Variants in PSMD7 observed in about 807,000 individuals in gnomAD.
PSMD7 encodes proteasome 26S subunit, non-ATPase 7.
A neutral mutation model predicts 36.4 loss-of-function variants in PSMD7; 13 were observed. The observed-to-expected ratio is 0.36, with a 90% CI of 0.23 to 0.57. The LOEUF (loss-of-function observed/expected upper bound fraction) is 0.57, where lower values mean the gene tolerates loss of function less well. Among genes scored for constraint, PSMD7 ranks in the 20% least tolerant of loss-of-function variants. The pLI is 0.83. For missense variants in PSMD7, 298 were observed against 393.6 expected, an observed-to-expected ratio of 0.76 and a Z score of 2.06; for synonymous variants, 186 against 151.0, an observed-to-expected ratio of 1.23 and a Z score of -1.70.
Position 74,296,902 on chromosome 16 carries a change from G to C in PSMD7, c.-13G>C. 6.2e-7 allele frequency: 1 copy of C among 1,612,902 alleles called. No individual in the cohort carries two copies. Among genetic ancestry groups the C allele is most frequent in the East Asian group, 2.2e-5 (1 of 44,818 alleles). On this transcript the variant is annotated 5_prime_UTR_variant, in exon 1 of 7. Transcript: ENST00000219313. Reference sequence around the variant, plus strand: ...TGGCAGGGAGCCAGGCCTGGCGAGCGGGGTGTGTCGCGATGCCGGAGCTGG... The same window carrying C: ...TGGCAGGGAGCCAGGCCTGGCGAGCCGGGTGTGTCGCGATGCCGGAGCTGG...
chr16:74,297,015 G>A (rs1186847146), intron 1 of PSMD7, 27 bp downstream of exon 1: 1 of 1,602,384 alleles, frequency 6.2e-7, no homozygotes, highest in African/African-American at 1.3e-5. Flanking sequence ...TAGCTGGGCC[G>A]GCGGCGCAGC....
Position 74,305,775 on chromosome 16 carries a change from T to C in PSMD7, c.*42T>C. On this transcript the variant is annotated 3_prime_UTR_variant, in exon 7 of 7. Coordinates refer to ENST00000219313, the MANE Select transcript of PSMD7 (RefSeq NM_002811.5). ...CTTTTTTAATTTGTAAATTAAAATC[T>C]TACAAACTAAATCAGTGTGCTGCTA... The C allele has an allele frequency of 7.1e-7, 1 of 1,409,516 alleles. No homozygotes were observed. 87.3% of individuals were successfully genotyped at this position (1,409,516 alleles called of 1,614,324 possible).
chr16:74,296,892 C>T lies in PSMD7; in HGVS notation c.-23C>T. 1 of 1,611,918 alleles carries T rather than the reference C, an allele frequency of 6.2e-7. No individual in the cohort carries two copies. The highest frequency in any genetic ancestry group is 1.1e-5 in the South Asian group (1 of 90,620). ...TGTTTGCGTGTGGCAGGGAGCCAGG[C>T]CTGGCGAGCGGGGTGTGTCGCGATG... On this transcript the variant is annotated 5_prime_UTR_variant, in exon 1 of 7. Transcript: ENST00000219313.
intron 4 of PSMD7, 103 bp from the exon 5 acceptor site, chr16:74,302,109 A>C: frequency 1.1e-6 from 1 of 932,226 alleles, no homozygotes; most frequent in East Asian, 2.4e-5. Flanking sequence ...TTCATTTCTA[A>C]TTGATTACAA....
Position 74,296,948 on chromosome 16 carries a change from C to T in PSMD7, c.34C>T (p.His12Tyr), listed in dbSNP as rs1360967951. The change falls in exon 1 of 7, where the codon CAC (histidine) becomes TAC (tyrosine). Residue 12 changes from histidine to tyrosine, a missense_variant. Physicochemically the swap from His to Tyr is moderately conservative, Grantham distance 83. Transcript: ENST00000219313. ...GCTGGCAGTGCAGAAGGTGGTGGTC[C>T]ACCCCCTGGTGCTGCTCAGTGTGGT... ...PELAVQKVVV[H>Y]PLVLLSVVDH... is the part of the protein sequence containing the mutation. 2 of 1,613,404 alleles carry T rather than the reference C, an allele frequency of 1.2e-6. No individual in the cohort carries two copies. The highest frequency in any genetic ancestry group is 8.5e-7 in the Non-Finnish European group (1 of 1,179,842).
At chr16:74,298,450 G>A (rs1350849362) in intron 1 of PSMD7, among the ~76,000 whole-genome samples, 1 of 152,156 alleles carries the variant, frequency 6.6e-6, no homozygotes, top group African/African-American at 2.4e-5. Context: ...AGCTGGATCC[G>A]GAAAAGGACC....
intron 2 of PSMD7, chr16:74,300,611 C>G (rs554704819): frequency 4.1e-6 from 1 of 245,370 alleles, no homozygotes; most frequent in Non-Finnish European, 8.0e-6. Flanking sequence ...TGAATCCTTA[C>G]AAGAACGTAC....
chr16:74,306,059 T>C lies in PSMD7; in HGVS notation c.*326T>C, dbSNP rs956634844. The C allele has an allele frequency of 1.0e-5, 2 of 191,514 alleles. No individual in the cohort carries two copies. Among genetic ancestry groups the C allele is most frequent in the Non-Finnish European group, 2.1e-5 (2 of 93,752 alleles). 11.9% of individuals were successfully genotyped at this position (191,514 alleles called of 1,614,324 possible). A position where few individuals can be genotyped will look rare whatever the true frequency, so the allele number is the denominator to read the frequency against. ...TCTAAAACCAGGAGTTGAATTTTCC[T>C]CATCTTGAAAGACTCTTGGGGTCTG... On this transcript the variant is annotated 3_prime_UTR_variant, in exon 7 of 7. Transcript: ENST00000219313.
At chr16:74,301,521 A>C in intron 3 of PSMD7, 34 bp from the exon 4 acceptor site, 2 of 1,470,860 alleles carry the variant, frequency 1.4e-6, no homozygotes, top group South Asian at 1.1e-5. Flanking sequence ...TCTTCATGAA[A>C]TAGTTAAAGC....
intron 2 of PSMD7, chr16:74,300,601 T>C (rs2034148150): frequency 4.0e-6 from 1 of 252,686 alleles, no homozygotes; most frequent in East Asian, 8.6e-5. Context: ...CCCCTTTATG[T>C]GAATCCTTAC....
intron 6 of PSMD7, 53 bp downstream of exon 6, chr16:74,304,447 T>C (rs1352118498): frequency 6.6e-7 from 1 of 1,511,516 alleles, no homozygotes; most frequent in South Asian, 1.1e-5. Flanking sequence ...GGTCACACAG[T>C]GTAAGGAAGA....
rs1431149891 is a variant in PSMD7 at position 74,302,232 on chromosome 16, G to T, written c.378G>T (p.Val126=). The T allele has an allele frequency of 6.2e-7, 1 of 1,614,054 alleles. No individual in the cohort carries two copies. The highest frequency in any genetic ancestry group is 8.5e-7 in the Non-Finnish European group (1 of 1,179,990). The stretch of plus-strand genomic sequence containing the variant: ...GCCAGGTATTGGTCATCATTGATGT[G>T]AAGCCGAAGGACCTAGGGCTGCCTA... ...CPNSVLVIID[V]KPKDLGLPTE... Residue 126 remains valine, a synonymous_variant, in exon 5 of 7, where the codon GTG becomes GTT. Transcript: ENST00000219313.
chr16:74,304,741 A>AT (rs942705608), intron 6 of PSMD7: 12 of 181,508 alleles, frequency 6.6e-5, no homozygotes, highest in Admixed American at 2.9e-4. Context: ...AATGTAGCCC[A>AT]TTTTCTGGAG....
chr16:74,302,268 C>T lies in PSMD7; in HGVS notation c.414C>T (p.Tyr138=). The change falls in exon 5 of 7, where the codon TAC becomes TAT. Residue 138 remains tyrosine (Y), a synonymous_variant. Transcript: ENST00000219313. Reference sequence around the variant, plus strand: ...ACCTAGGGCTGCCTACAGAAGCGTACATTTCAGTGGAAGAAGTCCATGATG... The same window carrying T: ...ACCTAGGGCTGCCTACAGAAGCGTATATTTCAGTGGAAGAAGTCCATGATG... ...PKDLGLPTEA[Y]ISVEEVHDDG... The T allele has an allele frequency of 1.2e-6, 2 of 1,613,962 alleles. No homozygotes were observed. Among genetic ancestry groups the T allele is most frequent in the South Asian group, 2.2e-5 (2 of 91,062 alleles).
intron 3 of PSMD7, 47 bp downstream of exon 3, chr16:74,301,191 T>C (rs2034152453): frequency 7.8e-7 from 1 of 1,288,152 alleles, no homozygotes; most frequent in Non-Finnish European, 1.1e-6. Flanking sequence ...TTGAACTGTG[T>C]GTATGGGGGT....
At position 74,305,946 on chromosome 16, in the gene PSMD7, G is replaced by A. The variant is rs2034193430; in HGVS notation, c.*213G>A. On this transcript the variant is annotated 3_prime_UTR_variant, in exon 7 of 7. Coordinates refer to ENST00000219313, the MANE Select transcript of PSMD7 (RefSeq NM_002811.5). ...CTGCAGCTTTCGCTGCTGTGAGTTG[G>A]GGATATGATAGTCAGCTCAGGCTTC... 2.4e-6 allele frequency: 1 copy of A among 414,614 alleles called. No homozygotes were observed. The highest frequency in any genetic ancestry group is 2.0e-5 in the African/African-American group (1 of 48,858). The allele number at this position is 414,614 out of a possible 1,614,324, so 25.7% of individuals were successfully genotyped here. A position where few individuals can be genotyped will look rare whatever the true frequency, so the allele number is the denominator to read the frequency against.
Position 74,305,375 on chromosome 16 carries a change from T to G in PSMD7, c.617T>G (p.Leu206Arg), listed in dbSNP as rs2034187215. ...TTGAAGGGACTGAACTCCAAGCTTC[T>G]GGATATCAGGAGCTACCTGGAAAAA... ...HGLKGLNSKL[L>R]DIRSYLEKVA... The change falls in exon 7 of 7, where the codon CTG becomes CGG. Residue 206 changes from leucine to arginine, a missense_variant. By Grantham distance (102) the Leu-to-Arg change is moderately radical (BLOSUM62 -2). Transcript: ENST00000219313. The G allele has an allele frequency of 6.2e-7, 1 of 1,614,198 alleles. No individual in the cohort carries two copies. Among genetic ancestry groups the G allele is most frequent in the Non-Finnish European group, 8.5e-7 (1 of 1,180,042 alleles).
At chr16:74,297,204 T>G (rs920201427) in intron 1 of PSMD7, among the ~76,000 whole-genome samples, 2 of 152,240 alleles carry the variant, frequency 1.3e-5, no homozygotes, top group Admixed American at 1.3e-4. Flanking sequence ...GGGCCTTGGC[T>G]GCCTGTTCCG....
chr16:74,299,003 T>C (rs2034135588), intron 1 of PSMD7, among the ~76,000 whole-genome samples: 1 of 150,230 alleles, frequency 6.7e-6, no homozygotes, highest in African/African-American at 2.5e-5. Flanking sequence ...AAATTCAATT[T>C]CCCCCTTACC....
Sources: gnomAD v4.1 joint callset for allele counts (sites outside exome capture counted in the v4.1 genomes callset) on GRCh38, gnomAD v4.1.1 for gene constraint, MANE v1.5 for transcripts, NCBI Gene and HGNC (gene_info 2026-07-23, HGNC 2026-07-21) for gene names.